ARFGAP3: variants seen among roughly 807,000 people sequenced by gnomAD.
ARFGAP3 encodes the protein ADP-ribosylation factor GTPase-activating protein 3.
In ARFGAP3, 72 loss-of-function variants were observed where a neutral mutation model predicts 75.0. The ratio of observed to expected loss-of-function variants is 0.96; its 90% CI spans 0.79 to 1.17. ARFGAP3 has a LOEUF of 1.17. ARFGAP3 is among the 50% of genes most tolerant of loss of function. The probability of loss-of-function intolerance (pLI) is 0.00; values close to 1 mark genes in which losing one functional copy is unlikely to be tolerated. For synonymous variants in ARFGAP3, 221 were observed against 217.9 expected, an observed-to-expected ratio of 1.01 and a Z score of -0.13; for missense variants, 620 against 626.6, an observed-to-expected ratio of 0.99 and a Z score of 0.11.
Position 42,822,285 on chromosome 22 carries a change from G to T in ARFGAP3, c.797C>A (p.Ser266Tyr). The change falls in exon 9 of 16, where the codon TCT (serine) becomes TAT (tyrosine). Residue 266 changes from serine to tyrosine, a missense_variant. Physicochemically the swap from Ser to Tyr is moderately radical, Grantham distance 144. Transcript: ENST00000263245. ...TTAAACTTACATTGATTCTTCTTTAGATACCACCTTGGCCAGGTCTTCCTG... is the reference window on the plus strand; with the variant it reads ...TTAAACTTACATTGATTCTTCTTTATATACCACCTTGGCCAGGTCTTCCTG... ...KEQEDLAKVV[S>Y]KEESIVSSLR... The T allele has an allele frequency of 6.2e-7, 1 of 1,613,008 alleles. No individual in the cohort carries two copies. Among genetic ancestry groups the T allele is most frequent in the Non-Finnish European group, 8.5e-7 (1 of 1,179,584 alleles).
At chr22:42,846,499 GGCTATT>G (rs1192159854) in intron 2 of ARFGAP3, among the ~76,000 whole-genome samples, 1 of 152,182 alleles carries the variant, frequency 6.6e-6, no homozygotes, top group East Asian at 1.9e-4. Context: ...GCCCCATATG[GGCTATT>G]GCCATAGAGT....
intron 9 of ARFGAP3, among the ~76,000 whole-genome samples, chr22:42,820,454 A>G (rs887423041): frequency 6.6e-6 from 1 of 152,188 alleles, no homozygotes; most frequent in East Asian, 1.9e-4. Flanking sequence ...ATCTTAGCGA[A>G]CCGTCAGTAT....
chr22:42,842,970 T>C (rs1286455395), intron 2 of ARFGAP3, among the ~76,000 whole-genome samples: 1 of 152,094 alleles, frequency 6.6e-6, no homozygotes, highest in Non-Finnish European at 1.5e-5. Flanking sequence ...GCCAACACCC[T>C]GTACGGCAGG....
At chr22:42,832,533 C>CA (rs55833497) in intron 5 of ARFGAP3, among the ~76,000 whole-genome samples, 5,343 of 122,458 alleles carry the variant, frequency 0.044, 230 homozygotes, top group East Asian at 0.24. Flanking sequence ...GACTCCATCT[C>CA]AAAAAAAAAA....
intron 3 of ARFGAP3, among the ~76,000 whole-genome samples, chr22:42,837,481 C>T (rs1176621196): frequency 6.6e-6 from 1 of 151,520 alleles, no homozygotes; most frequent in African/African-American, 2.4e-5. Context: ...ACTTGTTGTG[C>T]GTGGTGGTAC....
chr22:42,808,971 A>C (rs1304482291), intron 12 of ARFGAP3, 81 bp from the exon 13 acceptor site: 38 of 1,351,426 alleles, frequency 2.8e-5, no homozygotes, highest in Non-Finnish European at 3.5e-5. Context: ...ATTTTTTAAA[A>C]TGCCAACAGC....
chr22:42,800,684 C>T (rs1170207774), intron 14 of ARFGAP3, among the ~76,000 whole-genome samples: 2 of 152,230 alleles, frequency 1.3e-5, no homozygotes, highest in Admixed American at 1.3e-4. Flanking sequence ...CCATCTCCAC[C>T]TCCAGCTGAC....
chr22:42,847,760 T>C (rs1165011356), intron 1 of ARFGAP3, 128 bp from the exon 2 acceptor site: 2 of 1,147,414 alleles, frequency 1.7e-6, no homozygotes, highest in Non-Finnish European at 2.2e-6. Flanking sequence ...ATTGTATTAT[T>C]AGAAAATATC....
intron 11 of ARFGAP3, among the ~76,000 whole-genome samples, chr22:42,813,004 G>C (rs1280253068): frequency 6.6e-6 from 1 of 152,266 alleles, no homozygotes. Context: ...AGTTACATCG[G>C]AGGAAGGTTC....
chr22:42,823,732 A>C, intron 7 of ARFGAP3, 30 bp from the exon 8 acceptor site: 12 of 1,493,216 alleles, frequency 8.0e-6, no homozygotes, highest in Non-Finnish European at 1.1e-5. Flanking sequence ...AAAAAGTAAG[A>C]CCAATAGAAA....
chr22:42,848,115 C>T (rs1157412585), intron 1 of ARFGAP3, among the ~76,000 whole-genome samples: 7 of 151,950 alleles, frequency 4.6e-5, no homozygotes, highest in South Asian at 4.1e-4. Flanking sequence ...CTGGCAGCCT[C>T]GGCCTCCCAT....
At chr22:42,819,103 G>A (rs1460705570) in intron 9 of ARFGAP3, among the ~76,000 whole-genome samples, 2 of 152,068 alleles carry the variant, frequency 1.3e-5, no homozygotes, top group Admixed American at 6.6e-5. Flanking sequence ...ATGAGCCACC[G>A]CGCCCGGTGC....
intron 2 of ARFGAP3, among the ~76,000 whole-genome samples, chr22:42,846,597 T>A (rs1207137862): frequency 6.6e-6 from 1 of 152,214 alleles, no homozygotes; most frequent in Non-Finnish European, 1.5e-5. Context: ...AAGACCTTCA[T>A]GTTATAAACA....
chr22:42,812,836 C>G (rs1189540755), intron 11 of ARFGAP3, among the ~76,000 whole-genome samples: 1 of 152,212 alleles, frequency 6.6e-6, no homozygotes, highest in Admixed American at 6.5e-5. Context: ...GGAAGGAAAA[C>G]GTGGTGTTCA....
Position 42,827,015 on chromosome 22 carries a change from A to AT in ARFGAP3, c.566-17dup. On this transcript the variant is annotated splice_polypyrimidine_tract_variant and intron_variant, in intron 6 of 15. Transcript: ENST00000263245. ...TCTTGTCCACCTGAAAATTCAAAAC[A>AT]TTGATATTAGCGCAGAAAATATACT... 1 of 1,612,730 alleles carries AT rather than the reference A, an allele frequency of 6.2e-7. No individual in the cohort carries two copies. The highest frequency in any genetic ancestry group is 2.2e-5 in the East Asian group (1 of 44,848).
intron 14 of ARFGAP3, among the ~76,000 whole-genome samples, chr22:42,804,892 GA>G (rs371613234): frequency 2.1e-4 from 31 of 151,194 alleles, no homozygotes; most frequent in South Asian, 1.3e-3. Context: ...CAAAATAAAA[GA>G]AAAAAAAATT....
intron 11 of ARFGAP3, among the ~76,000 whole-genome samples, chr22:42,813,721 T>C (rs1259570782): frequency 1.3e-5 from 2 of 152,064 alleles, no homozygotes; most frequent in African/African-American, 2.4e-5. Context: ...AGCAACTCAG[T>C]AGGAGGACTG....
At chr22:42,822,525 G>A (rs770756855) in intron 8 of ARFGAP3, 116 bp from the exon 9 acceptor site, 89 of 1,276,926 alleles carry the variant, frequency 7.0e-5, no homozygotes, top group Non-Finnish European at 9.4e-5. Context: ...CTCTACATTT[G>A]TTCTGTGGCT....
Position 42,822,242 on chromosome 22 carries a change from T to C in ARFGAP3, c.812+28A>G, listed in dbSNP as rs533012665. ...AGTTAATAGTTTTATTCCCTGAAAATGTATTAATATAATGAAATTAAACTT... is the reference window on the plus strand; with the variant it reads ...AGTTAATAGTTTTATTCCCTGAAAACGTATTAATATAATGAAATTAAACTT... On this transcript the variant is annotated intron_variant, in intron 9 of 15. Coordinates refer to ENST00000263245, the MANE Select transcript of ARFGAP3 (RefSeq NM_014570.5). 4.5e-6 allele frequency: 7 copies of C among 1,564,218 alleles called. 1 individual carries two copies. In the African/African-American group the frequency reaches 8.2e-5, roughly 18 times the overall value.
Sources: allele counts gnomAD v4.1 joint callset (sites outside exome capture counted in the v4.1 genomes callset), GRCh38; gene constraint gnomAD v4.1.1; transcripts MANE v1.5; gene names NCBI Gene and HGNC (gene_info 2026-07-23, HGNC 2026-07-21).